MYOM1: variants seen among roughly 807,000 people sequenced by gnomAD.
MYOM1 encodes myomesin 1, also known as myomesin-1.
Under a neutral mutation model 205.3 loss-of-function variants are expected in MYOM1, and 164 were observed. The ratio of observed to expected loss-of-function variants is 0.80; its 90% CI spans 0.70 to 0.91. The LOEUF (loss-of-function observed/expected upper bound fraction) is 0.91. Ranked by LOEUF, MYOM1 falls within the 40% of genes least tolerant of loss-of-function variation. The pLI, the probability that MYOM1 is intolerant of heterozygous loss-of-function variation, is 0.00. For synonymous variants in MYOM1, 772 were observed against 789.4 expected (o/e 0.98, Z 0.37); for missense variants, 2,011 against 2,127.3 (o/e 0.95, Z 1.08).
At chr18:3,078,342 G>T (rs2079043971) in intron 34 of MYOM1, among the ~76,000 whole-genome samples, 1 of 151,928 alleles carries the variant, frequency 6.6e-6, no homozygotes, top group East Asian at 1.9e-4. Context: ...ATGCCCACCT[G>T]AGATTGTATT....
intron 4 of MYOM1, 136 bp downstream of exon 4, chr18:3,188,612 G>C: frequency 1.0e-6 from 1 of 982,034 alleles, no homozygotes. Context: ...CTGGGGGACA[G>C]AGTGAGACTC....
chr18:3,197,916 C>T (rs74253189), intron 2 of MYOM1, among the ~76,000 whole-genome samples: 3,141 of 152,184 alleles, frequency 0.021, 64 homozygotes, highest in Middle Eastern at 0.082. Flanking sequence ...CTATTTCGTT[C>T]TATACTCCAA....
rs2144151640 is a variant in MYOM1 at position 3,189,081 on chromosome 18, C to T, written c.438G>A (p.Lys146=). 1 of 1,610,242 alleles carries T rather than the reference C, an allele frequency of 6.2e-7. No homozygotes were observed. The highest frequency in any genetic ancestry group is 1.7e-4 in the Middle Eastern group (1 of 6,046). Residue 146 remains lysine (K), a synonymous_variant, in exon 4 of 38, where the codon AAG becomes AAA. Coordinates refer to ENST00000356443, the MANE Select transcript of MYOM1 (RefSeq NM_003803.4). This position sits in a 1 kb window ranked among gnomAD's most constrained non-coding sequence, Gnocchi z 4.8. ...CCGTATCAGTAATTCCACTGACATG[C>T]TTTTGACTAAAACACAACAATGGCA... The part of the protein sequence containing the change: ...YMVPIFSGRQ[K]HVSGITDTEE...
At chr18:3,176,564 G>T (rs1040218504) in intron 5 of MYOM1, among the ~76,000 whole-genome samples, 4 of 152,132 alleles carry the variant, frequency 2.6e-5, no homozygotes, top group African/African-American at 9.7e-5. Context: ...TATTGATTTG[G>T]GTGTCAGTTA....
intron 10 of MYOM1, among the ~76,000 whole-genome samples, chr18:3,156,282 C>A (rs879714940): frequency 6.6e-6 from 1 of 152,172 alleles, no homozygotes; most frequent in Non-Finnish European, 1.5e-5. Flanking sequence ...AGGGAAAGCA[C>A]CCATGTCGAC....
the MYOM1 span, among the ~76,000 whole-genome samples, chr18:3,232,769 TTA>T: frequency 1.3e-5 from 2 of 152,230 alleles, no homozygotes; most frequent in Non-Finnish European, 2.9e-5. Flanking sequence ...AAGAAATTAA[TTA>T]TATGTTTATA....
At chr18:3,182,928 T>A (rs1407964727) in intron 5 of MYOM1, among the ~76,000 whole-genome samples, 1 of 126,308 alleles carries the variant, frequency 7.9e-6, no homozygotes, top group Admixed American at 7.3e-5. Flanking sequence ...TTTTTTTTTT[T>A]TTTTTTTTTT....
At chr18:3,202,101 G>C (rs1235497950) in intron 2 of MYOM1, among the ~76,000 whole-genome samples, 2 of 152,106 alleles carry the variant, frequency 1.3e-5, no homozygotes, top group African/African-American at 4.8e-5. Flanking sequence ...ATGTTTACTG[G>C]TATTCAGTGA....
intron 19 of MYOM1, among the ~76,000 whole-genome samples, chr18:3,125,886 C>T (rs933888003): frequency 5.3e-5 from 8 of 152,120 alleles, no homozygotes; most frequent in Non-Finnish European, 1.0e-4. Flanking sequence ...GGCCATCAAG[C>T]GACTATAACA....
Position 3,163,435 on chromosome 18 carries a change from T to G in MYOM1, c.1501+843A>C, listed in dbSNP as rs572958673. Among the ~76,000 whole-genome samples the G allele has an allele frequency of 2.6e-5, 4 of 151,830 alleles. No homozygotes were observed. In the East Asian group the frequency reaches 7.7e-4, roughly 29 times the overall value. On this transcript the variant is annotated intron_variant, in intron 10 of 37. Transcript: ENST00000356443. Reference sequence around the variant, plus strand: ...AGTTGGTGCCCTCAGGGCTCACCTTTTACACTAGGTCTACTTTTTTTTTTG... The same window carrying G: ...AGTTGGTGCCCTCAGGGCTCACCTTGTACACTAGGTCTACTTTTTTTTTTG...
rs1218377849 is a variant in MYOM1 at position 3,168,810 on chromosome 18, G to A, written c.1339+7C>T. The A allele has an allele frequency of 6.2e-7, 1 of 1,613,496 alleles. No individual in the cohort carries two copies. Among genetic ancestry groups the A allele is most frequent in the Non-Finnish European group, 8.5e-7 (1 of 1,179,560 alleles). ...AACCTAAGTGAGCATTCATTGTAAA[G>A]ACTCACCGTTTCTGTACCACTGGAT... On this transcript the variant is annotated splice_region_variant and intron_variant, in intron 9 of 37. Coordinates refer to ENST00000356443, the MANE Select transcript of MYOM1 (RefSeq NM_003803.4).
chr18:3,155,065 C>G lies in MYOM1; in HGVS notation c.1525G>C (p.Ala509Pro). The change falls in exon 11 of 38, where the codon GCC becomes CCC. Residue 509 changes from alanine (A) to proline (P), a missense_variant. Coordinates refer to ENST00000356443, the MANE Select transcript of MYOM1 (RefSeq NM_003803.4). ...TTCACATCCAAGGGAGCAGCTGGGG[C>G]TCCTTCAATCTCTGCATCAGCATCT... ...VRDADAEIEG[A>P]PAAPLDVKCL... is the part of the protein sequence containing the mutation. The G allele has an allele frequency of 6.2e-7, 1 of 1,612,520 alleles. No individual in the cohort carries two copies. The highest frequency in any genetic ancestry group is 8.5e-7 in the Non-Finnish European group (1 of 1,179,204).
chr18:3,198,487 G>A (rs2081022020), intron 2 of MYOM1, among the ~76,000 whole-genome samples: 1 of 152,170 alleles, frequency 6.6e-6, no homozygotes, highest in African/African-American at 2.4e-5. Context: ...ACTGAATGAA[G>A]TGAAATAAAG....
chr18:3,091,018 T>C (rs2079218604), intron 26 of MYOM1, among the ~76,000 whole-genome samples: 1 of 151,732 alleles, frequency 6.6e-6, no homozygotes, highest in Non-Finnish European at 1.5e-5. Context: ...CTTGTCTATA[T>C]AAAAATAGAA....
intron 1 of MYOM1, among the ~76,000 whole-genome samples, chr18:3,217,624 T>C (rs4441365): frequency 0.041 from 6,158 of 152,044 alleles, 346 homozygotes; most frequent in East Asian, 0.3. Flanking sequence ...GCCAAGAAAA[T>C]AGGTGAGAAC....
chr18:3,136,601 A>AT (rs1042281316), intron 14 of MYOM1, among the ~76,000 whole-genome samples: 6 of 150,946 alleles, frequency 4.0e-5, no homozygotes, highest in African/African-American at 1.5e-4. Flanking sequence ...TAATTTTTGT[A>AT]TTTTTTTGGT....
chr18:3,177,445 CATTATT>C lies in MYOM1; in HGVS notation c.930-1317_930-1312del, dbSNP rs138933689. On this transcript the variant is annotated intron_variant, in intron 5 of 37. Coordinates refer to ENST00000356443, the MANE Select transcript of MYOM1 (RefSeq NM_003803.4). The stretch of plus-strand genomic sequence containing the variant: ...TCTTGCATGTTGTTAGAAGCAATAT[CATTATT>C]ATTATTATTATTATTATTATTATTA... 4.3e-3 allele frequency among the ~76,000 whole-genome samples: 599 copies of C among 139,252 alleles called. 4 individuals carry two copies. Among genetic ancestry groups the C allele is most frequent in the African/African-American group, 9.5e-3 (347 of 36,598 alleles). 91.4% of individuals were successfully genotyped at this position (139,252 alleles called of 152,430 possible).
intron 13 of MYOM1, among the ~76,000 whole-genome samples, chr18:3,146,225 A>C (rs1291727090): frequency 6.6e-6 from 1 of 152,108 alleles, no homozygotes; most frequent in African/African-American, 2.4e-5. Context: ...AAGCTCTTTC[A>C]AAAAATTAAA....
In MYOM1 at chr18:3,142,009, C is replaced by G; in HGVS notation, c.1955G>C (p.Ser652Thr). ...GGGCTTCCAGCTGAGCACCACATAG[C>G]TCCGGGTGGCCTCAGTGACAGAGAG... ...TDLSVTEATR[S>T]YVVLSWKPPG... Residue 652 changes from serine to threonine, a missense_variant, in exon 14 of 38, where the codon AGC (serine) becomes ACC (threonine). Ser to Thr is a moderately conservative substitution (Grantham distance 58). Transcript: ENST00000356443. 6.2e-7 allele frequency: 1 copy of G among 1,613,826 alleles called. No homozygotes were observed. Among genetic ancestry groups the G allele is most frequent in the Non-Finnish European group, 8.5e-7 (1 of 1,179,816 alleles).
Sources: gnomAD v4.1 joint callset for allele counts (sites outside exome capture counted in the v4.1 genomes callset) on GRCh38, gnomAD v4.1.1 for gene constraint, Gnocchi (gnomAD v3.1) non-coding constraint, MANE v1.5 for transcripts, NCBI Gene and HGNC (gene_info 2026-07-23, HGNC 2026-07-21) for gene names.